The following DNAH11 variants were observed in gnomAD, a reference collection of about 807,000 sequenced individuals.
DNAH11 encodes dynein axonemal heavy chain 11, also known as axonemal beta dynein heavy chain 11.
DNAH11 carries 442 observed loss-of-function variants against 526.0 expected under a neutral mutation model. The observed-to-expected ratio is 0.84, with a 90% CI of 0.78 to 0.91. The LOEUF (loss-of-function observed/expected upper bound fraction) is 0.91, where lower values mean the gene tolerates loss of function less well. DNAH11 is among the 40% of genes least tolerant of loss of function. The pLI, the probability that DNAH11 is intolerant of heterozygous loss-of-function variation, is 0.00. For missense variants in DNAH11, 6,989 were observed against 5,448.7 expected (o/e 1.28, Z -8.90); for synonymous variants, 2,461 against 1,935.9 (o/e 1.27, Z -7.12).
At position 21,600,723 on chromosome 7, in the gene DNAH11, C is replaced by G; in HGVS notation, c.3048C>G (p.Ile1016Met). The G allele has an allele frequency of 1.2e-6, 2 of 1,613,740 alleles. No homozygotes were observed. The highest frequency in any genetic ancestry group is 1.7e-6 in the Non-Finnish European group (2 of 1,179,768). Residue 1016 changes from isoleucine to methionine, a missense_variant, in exon 16 of 82, where the codon ATC becomes ATG. Physicochemically the swap from Ile to Met is conservative, Grantham distance 10. Coordinates refer to ENST00000409508, the MANE Select transcript of DNAH11 (RefSeq NM_001277115.2). ...MLGLAEVRQE[I>M]MNRVVNVINK... ...GCCTGGCAGAGGTCAGGCAGGAGAT[C>G]ATGAACAGAGTGGTGAATGTCATCA...
At chr7:21,593,566 G>A (rs1455631996) in intron 14 of DNAH11, among the ~76,000 whole-genome samples, 12 of 134,016 alleles carry the variant, frequency 9.0e-5, no homozygotes, top group Admixed American at 8.7e-4. Context: ...GAAAGCCATT[G>A]AGGGAAATGG....
intron 45 of DNAH11, among the ~76,000 whole-genome samples, chr7:21,728,780 C>A (rs1338316813): frequency 5.9e-5 from 9 of 152,252 alleles, no homozygotes. Flanking sequence ...ATAGACCTTT[C>A]TATTCCAAAA....
At chr7:21,801,370 G>C (rs1788988495) in intron 62 of DNAH11, 95 bp downstream of exon 62, 4 of 1,481,046 alleles carry the variant, frequency 2.7e-6, no homozygotes, top group Non-Finnish European at 3.7e-6. Flanking sequence ...AATAGACATG[G>C]AATTAACAAC....
At position 21,705,482 on chromosome 7, in the gene DNAH11, T is replaced by C. The variant is rs1583611520; in HGVS notation, c.6491T>C (p.Leu2164Ser). The C allele has an allele frequency of 6.2e-7, 1 of 1,613,742 alleles. No homozygotes were observed. The highest frequency in any genetic ancestry group is 2.2e-5 in the East Asian group (1 of 44,884). ...ILKVVQLEELLAVRHSVFVVG... is the reference protein window; with the variant it reads ...ILKVVQLEELSAVRHSVFVVG... Reference sequence around the variant, plus strand: ...CAGGTTGTCCAGCTTGAGGAACTGTTGGCTGTGCGGCACTCGGTCTTTGTA... The same window carrying C: ...CAGGTTGTCCAGCTTGAGGAACTGTCGGCTGTGCGGCACTCGGTCTTTGTA... The change falls in exon 39 of 82, where the codon TTG becomes TCG. Residue 2164 changes from leucine to serine, a missense_variant. Transcript: ENST00000409508.
rs574280979 is a variant in DNAH11 at position 21,722,060 on chromosome 7, T to A, written c.7266+1204T>A. On this transcript the variant is annotated intron_variant, in intron 44 of 81. Coordinates refer to ENST00000409508, the MANE Select transcript of DNAH11 (RefSeq NM_001277115.2). The stretch of plus-strand genomic sequence containing the variant: ...GCACCAGCACACAGATCCCACGAAC[T>A]GCTTAGACTTACCAAAGTGCAAAGT... 5.9e-5 allele frequency among the ~76,000 whole-genome samples: 9 copies of A among 152,334 alleles called. No homozygotes were observed. In the East Asian group the frequency reaches 1.2e-3, roughly 20 times the overall value.
At chr7:21,619,928 G>T in intron 24 of DNAH11, 28 bp from the exon 25 acceptor site, 1 of 1,333,634 alleles carries the variant, frequency 7.5e-7, no homozygotes, top group African/African-American at 1.8e-5. Flanking sequence ...TAAATTTTGT[G>T]CACATTAATT....
At chr7:21,841,159 G>T (rs1326723299) in intron 65 of DNAH11, among the ~76,000 whole-genome samples, 1 of 152,212 alleles carries the variant, frequency 6.6e-6, no homozygotes, top group South Asian at 2.1e-4. Flanking sequence ...ATTTCAGCCT[G>T]GGTGAAGGAG....
At chr7:21,779,202 A>G in intron 57 of DNAH11, 98 bp downstream of exon 57, 3 of 1,400,160 alleles carry the variant, frequency 2.1e-6, no homozygotes, top group African/African-American at 1.4e-5. Flanking sequence ...TCCAGGGAGC[A>G]TAAAGTCTAA....
chr7:21,897,992 CTTACGCTG>C (rs1370843515), intron 79 of DNAH11, among the ~76,000 whole-genome samples: 1 of 152,148 alleles, frequency 6.6e-6, no homozygotes, highest in Non-Finnish European at 1.5e-5. Flanking sequence ...ATTATTCTCC[CTTACGCTG>C]TTTCACTTTT....
At chr7:21,607,261 C>G (rs1785331032) in intron 20 of DNAH11, among the ~76,000 whole-genome samples, 1 of 152,156 alleles carries the variant, frequency 6.6e-6, no homozygotes, top group Non-Finnish European at 1.5e-5. Context: ...GAAGACTCAG[C>G]CAGCCTAGTC....
intron 75 of DNAH11, among the ~76,000 whole-genome samples, chr7:21,884,035 C>G (rs1343739484): frequency 6.7e-6 from 1 of 148,242 alleles, no homozygotes; most frequent in African/African-American, 2.5e-5. Flanking sequence ...AAAGCCAGAC[C>G]TCATCTCTTA....
At position 21,833,681 on chromosome 7, in the gene DNAH11, C is replaced by T. The variant is rs143283556; in HGVS notation, c.10692-8863C>T. On this transcript the variant is annotated intron_variant, in intron 65 of 81. Transcript: ENST00000409508. ...CTGCTCTCCAGCCTGGGCAACAGAGCAAGACTCCACCTCAAAAAATAAAAA... is the reference window on the plus strand; with the variant it reads ...CTGCTCTCCAGCCTGGGCAACAGAGTAAGACTCCACCTCAAAAAATAAAAA... Among the ~76,000 whole-genome samples the T allele has an allele frequency of 9.6e-3, 1,450 of 151,726 alleles. 30 individuals carry two copies. Among genetic ancestry groups the T allele is most frequent in the African/African-American group, 0.033 (1,351 of 41,330 alleles).
In DNAH11 at chr7:21,773,764, A is replaced by C; in HGVS notation, c.9103-2A>C. On this transcript the variant is annotated splice_acceptor_variant, in intron 55 of 81. Transcript: ENST00000409508. LOFTEE classifies it high-confidence loss of function. Reference sequence around the variant, plus strand: ...CATGAACTGTAATGTTTGTGTTTTCAGCCAGTGCACAAAGACTCTATTAGC... The same window carrying C: ...CATGAACTGTAATGTTTGTGTTTTCCGCCAGTGCACAAAGACTCTATTAGC... The C allele has an allele frequency of 2.0e-6, 3 of 1,533,826 alleles. No homozygotes were observed. Among genetic ancestry groups the C allele is most frequent in the Non-Finnish European group, 2.6e-6 (3 of 1,139,512 alleles).
In DNAH11 at chr7:21,655,908, A is replaced by C; in HGVS notation, c.5021A>C (p.His1674Pro). ...QFEDNQDVSAHRAVGMYSKEK... is the reference protein window; with the variant it reads ...QFEDNQDVSAPRAVGMYSKEK... ...GAAGACAATCAGGATGTTTCTGCACACAGGGCAGTTGGAATGTACAGCAAA... is the reference window on the plus strand; with the variant it reads ...GAAGACAATCAGGATGTTTCTGCACCCAGGGCAGTTGGAATGTACAGCAAA... The change falls in exon 29 of 82, where the codon CAC becomes CCC. Residue 1674 changes from histidine to proline, a missense_variant. Coordinates refer to ENST00000409508, the MANE Select transcript of DNAH11 (RefSeq NM_001277115.2). 6.2e-7 allele frequency: 1 copy of C among 1,613,394 alleles called. No individual in the cohort carries two copies. The highest frequency in any genetic ancestry group is 8.5e-7 in the Non-Finnish European group (1 of 1,179,566).
Position 21,868,999 on chromosome 7 carries a change from T to A in DNAH11, c.11967+8T>A, listed in dbSNP as rs766816766. On this transcript the variant is annotated splice_region_variant and intron_variant, in intron 73 of 81. Transcript: ENST00000409508. The stretch of plus-strand genomic sequence containing the variant: ...CACTGGGTCATCCTCCAAGTGAGTA[T>A]TAAGTTTCAGGGAAGACACTGGGCA... 1.3e-5 allele frequency: 21 copies of A among 1,613,658 alleles called. No individual in the cohort carries two copies. The highest frequency in any genetic ancestry group is 1.6e-5 in the Non-Finnish European group (19 of 1,179,808).
At chr7:21,863,392 A>G (rs1334170049) in intron 69 of DNAH11, among the ~76,000 whole-genome samples, 1 of 152,184 alleles carries the variant, frequency 6.6e-6, no homozygotes, top group Admixed American at 6.5e-5. Context: ...CGGTGGTGCT[A>G]TCTCAGCTTA....
chr7:21,575,065 G>T (rs772936695), intron 8 of DNAH11, among the ~76,000 whole-genome samples: 4 of 151,374 alleles, frequency 2.6e-5, no homozygotes, highest in Non-Finnish European at 4.4e-5. Flanking sequence ...AATAGAGATG[G>T]GGTTTTCCAC....
At chr7:21,716,701 A>G (rs766832050) in intron 42 of DNAH11, among the ~76,000 whole-genome samples, 1 of 152,066 alleles carries the variant, frequency 6.6e-6, no homozygotes, top group Non-Finnish European at 1.5e-5. Context: ...CCTGCTTTCC[A>G]TTGTTCCGCG....
At chr7:21,868,097 T>A in intron 72 of DNAH11, 90 bp downstream of exon 72, 1 of 1,055,696 alleles carries the variant, frequency 9.5e-7, no homozygotes, top group Non-Finnish European at 1.2e-6. Flanking sequence ...CACAGTGATC[T>A]TAGTTTCTTT....
Sources: gnomAD v4.1 joint callset for allele counts (sites outside exome capture counted in the v4.1 genomes callset) on GRCh38, gnomAD v4.1.1 for gene constraint, MANE v1.5 for transcripts, NCBI Gene and HGNC (gene_info 2026-07-23, HGNC 2026-07-21) for gene names.